Variants in FAM184A observed in about 807,000 individuals in gnomAD.
The protein encoded by FAM184A is family with sequence similarity 184 member A.
Under a neutral mutation model 143.8 loss-of-function variants are expected in FAM184A, and 99 were observed. That is an observed-to-expected ratio of 0.69 (90% CI 0.58 to 0.81). The LOEUF (loss-of-function observed/expected upper bound fraction) is 0.81. Among genes scored for constraint, FAM184A ranks in the 40% least tolerant of loss-of-function variants. The pLI is 0.00. For missense variants in FAM184A, 1,217 were observed against 1,310.5 expected, an observed-to-expected ratio of 0.93 and a Z score of 1.10; for synonymous variants, 427 against 446.4, an observed-to-expected ratio of 0.96 and a Z score of 0.55.
chr6:118,964,046 TGGGCAAAGTGGCATACACCTGCAATCCCA>T (rs1783415786), intron 16 of FAM184A: 1 of 152,078 alleles, frequency 6.6e-6, no homozygotes, highest in East Asian at 1.9e-4. Context: ...GTCATAAAGC[TGGGCAAAGTGGCATACACCTGCAATCCCA>T]TCCACTCGGG....
chr6:118,994,624 T>A (rs1784483348), intron 9 of FAM184A, among the ~76,000 whole-genome samples: 1 of 151,528 alleles, frequency 6.6e-6, no homozygotes, highest in Non-Finnish European at 1.5e-5. Context: ...AGGCGGAGGT[T>A]GCAGTGAACC....
intron 1 of FAM184A, among the ~76,000 whole-genome samples, chr6:119,026,848 G>A (rs1049759969): frequency 3.3e-5 from 5 of 152,132 alleles, no homozygotes; most frequent in Non-Finnish European, 5.9e-5. Flanking sequence ...TCCATATTCT[G>A]AAATGCCCCT....
chr6:118,986,541 A>T (rs776851688), intron 9 of FAM184A, among the ~76,000 whole-genome samples: 9 of 152,208 alleles, frequency 5.9e-5, no homozygotes, highest in Non-Finnish European at 1.2e-4. Context: ...ATGACAGAGT[A>T]AAAAGGTGAT....
chr6:119,126,652 T>C (rs1789374794), intron 1 of FAM184A, among the ~76,000 whole-genome samples: 1 of 152,218 alleles, frequency 6.6e-6, no homozygotes, highest in Non-Finnish European at 1.5e-5. Flanking sequence ...TCTTTTAGTT[T>C]TGCTGTCCAC....
chr6:119,090,075 A>T (rs1418082828), intron 1 of FAM184A, among the ~76,000 whole-genome samples: 2 of 152,218 alleles, frequency 1.3e-5, no homozygotes, highest in African/African-American at 2.4e-5. Flanking sequence ...ACCAGAAGCC[A>T]ACTGGTTTAT....
chr6:119,120,926 A>G (rs974823006), intron 1 of FAM184A, among the ~76,000 whole-genome samples: 4 of 142,382 alleles, frequency 2.8e-5, no homozygotes, highest in African/African-American at 1.1e-4. Context: ...TCCTGCCTCA[A>G]ACTCCTGTGT....
At chr6:118,966,462 AG>A (rs1783503923) in intron 15 of FAM184A, among the ~76,000 whole-genome samples, 1 of 152,194 alleles carries the variant, frequency 6.6e-6, no homozygotes, top group African/African-American at 2.4e-5. Flanking sequence ...TGTACAATAC[AG>A]GCTAATGCAT....
At chr6:119,034,029 TATATATATATATAG>T (rs1461426951) in intron 1 of FAM184A, among the ~76,000 whole-genome samples, 1 of 21,668 alleles carries the variant, frequency 4.6e-5, no homozygotes, top group African/African-American at 1.6e-4. Flanking sequence ...AATATATATA[TATATATATATATAG>T]AGAGAGAGAG....
At chr6:119,020,574 T>C (rs572609590) in intron 3 of FAM184A, among the ~76,000 whole-genome samples, 11 of 152,286 alleles carry the variant, frequency 7.2e-5, no homozygotes, top group Admixed American at 3.9e-4. Flanking sequence ...AAATGAGTGA[T>C]TCGTTCTTTT....
intron 14 of FAM184A, 133 bp downstream of exon 14, chr6:118,974,295 G>T: frequency 1.4e-6 from 1 of 730,842 alleles, no homozygotes; most frequent in Non-Finnish European, 2.2e-6. Flanking sequence ...ATTACCATCT[G>T]TAACACAGCA....
chr6:118,961,013 C>G, intron 17 of FAM184A: 1 of 271,530 alleles, frequency 3.7e-6, no homozygotes, highest in Non-Finnish European at 7.6e-6. Flanking sequence ...AAAAAACCTG[C>G]CTACTTTGTA....
intron 9 of FAM184A, among the ~76,000 whole-genome samples, chr6:118,992,607 AC>A: frequency 6.6e-6 from 1 of 152,320 alleles, no homozygotes; most frequent in Non-Finnish European, 1.5e-5. Context: ...CTGATCTTGG[AC>A]TTCCCAGAAT....
At chr6:119,031,011 T>C (rs1169224921) in intron 1 of FAM184A, among the ~76,000 whole-genome samples, 1 of 152,138 alleles carries the variant, frequency 6.6e-6, no homozygotes, top group East Asian at 1.9e-4. Context: ...TTACTTTTCC[T>C]ATAAATCTTT....
intron 1 of FAM184A, among the ~76,000 whole-genome samples, chr6:119,027,235 C>T (rs1024638268): frequency 2.6e-5 from 4 of 152,088 alleles, no homozygotes; most frequent in African/African-American, 9.7e-5. Flanking sequence ...TTGCCTGTAA[C>T]TTCTGTCTCC....
intron 1 of FAM184A, among the ~76,000 whole-genome samples, chr6:119,046,793 A>G (rs1369300113): frequency 6.6e-6 from 1 of 152,220 alleles, no homozygotes; most frequent in African/African-American, 2.4e-5. Flanking sequence ...TATAACCATT[A>G]TATGGTATAT....
chr6:119,101,015 C>T (rs1260039953), intron 1 of FAM184A, among the ~76,000 whole-genome samples: 1 of 151,816 alleles, frequency 6.6e-6, no homozygotes, highest in African/African-American at 2.4e-5. Flanking sequence ...TTTTTATAGG[C>T]TCTATGAAAA....
At chr6:119,133,937 C>A (rs78468549) in intron 1 of FAM184A, among the ~76,000 whole-genome samples, 13,683 of 151,400 alleles carry the variant, frequency 0.09, 786 homozygotes, top group African/African-American at 0.16. Context: ...CTGCTTTGGC[C>A]TCCCAAAGTG....
At chr6:119,066,799 T>C (rs893307389) in intron 1 of FAM184A, among the ~76,000 whole-genome samples, 1 of 152,180 alleles carries the variant, frequency 6.6e-6, no homozygotes, top group Non-Finnish European at 1.5e-5. Flanking sequence ...TGGACAGATA[T>C]GAATTGAATT....
chr6:118,988,016 G>T (rs990700348), intron 9 of FAM184A, among the ~76,000 whole-genome samples: 14 of 152,244 alleles, frequency 9.2e-5, no homozygotes, highest in African/African-American at 3.4e-4. Flanking sequence ...CAGTGATGTT[G>T]TTTATGCAAA....
Sources: allele counts gnomAD v4.1 joint callset (sites outside exome capture counted in the v4.1 genomes callset), GRCh38; gene constraint gnomAD v4.1.1; transcripts MANE v1.5; gene names NCBI Gene and HGNC (gene_info 2026-07-23, HGNC 2026-07-21).